Variants in ZC3HC1 observed in about 807,000 individuals in gnomAD.
ZC3HC1 encodes the protein zinc finger C3HC-type protein 1.
Under a neutral mutation model 61.9 loss-of-function variants are expected in ZC3HC1, and 38 were observed. That is an observed-to-expected ratio of 0.61 (90% CI 0.47 to 0.81). The LOEUF (loss-of-function observed/expected upper bound fraction) is 0.81, where lower values mean the gene tolerates loss of function less well. Ranked by LOEUF, ZC3HC1 falls within the 30% of genes least tolerant of loss-of-function variation. ZC3HC1 has a pLI of 0.00. For synonymous variants in ZC3HC1, 213 were observed against 229.9 expected (o/e 0.93, Z 0.67); for missense variants, 554 against 622.7 (o/e 0.89, Z 1.17).
At chr7:130,040,587 C>T (rs1312769328) in intron 3 of ZC3HC1, among the ~76,000 whole-genome samples, 1 of 150,382 alleles carries the variant, frequency 6.6e-6, no homozygotes, top group African/African-American at 2.4e-5. Flanking sequence ...GGGCGGATCA[C>T]TTGAGCTCAG....
At chr7:130,050,814 C>T (rs1404939111) in intron 1 of ZC3HC1, among the ~76,000 whole-genome samples, 1 of 152,086 alleles carries the variant, frequency 6.6e-6, no homozygotes, top group African/African-American at 2.4e-5. Flanking sequence ...AACTACATTC[C>T]AATCTAACTG....
Position 130,024,334 on chromosome 7 carries a change from G to C in ZC3HC1, c.949C>G (p.Leu317Val). 2 of 1,614,130 alleles carry C rather than the reference G, an allele frequency of 1.2e-6. No homozygotes were observed. The highest frequency in any genetic ancestry group is 1.7e-6 in the Non-Finnish European group (2 of 1,180,018). ...ATCCTCCGAGGAGATTCAGGCACCA[G>C]AGGTAAGCGCTCTGGTCGCCCCTCA... ...GLEGRPERLP[L>V]VPESPRRMMT... The change falls in exon 7 of 10, where the codon CTG becomes GTG. Residue 317 changes from leucine to valine, a missense_variant. Leu to Val is a conservative substitution (Grantham distance 32). Transcript: ENST00000358303.
rs1793756500 is a variant in ZC3HC1, at chr7:130,023,748, A to G, written c.1021-25T>C. ...CCTGAAGGAAAGGGGAGATAATGGA[A>G]GTACACGAATGATATTAATGATTAT... On this transcript the variant is annotated intron_variant, in intron 7 of 9. Transcript: ENST00000358303. This position sits in a 1 kb window ranked among gnomAD's most constrained non-coding sequence, Gnocchi z 4.2. The G allele has an allele frequency of 6.4e-6, 10 of 1,560,964 alleles. No individual in the cohort carries two copies. Among genetic ancestry groups the G allele is most frequent in the Non-Finnish European group, 7.0e-6 (8 of 1,136,296 alleles).
chr7:130,018,692 C>T lies in ZC3HC1; in HGVS notation c.1481G>A (p.Arg494Gln), dbSNP rs185837522. The T allele has an allele frequency of 2.4e-5, 39 of 1,612,084 alleles. No individual in the cohort carries two copies. Among genetic ancestry groups the T allele is most frequent in the African/African-American group, 6.7e-5 (5 of 74,860 alleles). Residue 494 changes from arginine to glutamine, a missense_variant, in exon 10 of 10, where the codon CGG becomes CAG. Coordinates refer to ENST00000358303, the MANE Select transcript of ZC3HC1 (RefSeq NM_016478.5). ...EKSRKVFRIFRQWESLCSC is the reference protein window; with the variant it reads ...EKSRKVFRIFQQWESLCSC ...GCATGAGCACAGAGATTCCCACTGC[C>T]GAAATATTCGGAATACTTTCCTTGA...
Position 130,026,223 on chromosome 7 carries a change from T to G in ZC3HC1, c.711A>C (p.Lys237Asn), listed in dbSNP as rs767983864. ...HRTDERKTTIKLGSDIQVHVT... is the reference protein window; with the variant it reads ...HRTDERKTTINLGSDIQVHVT... ...CGTGGACTTGGATGTCTGAGCCTAATTTGATTGTAGTTTTTCTCTCATCAG... is the reference window on the plus strand; with the variant it reads ...CGTGGACTTGGATGTCTGAGCCTAAGTTGATTGTAGTTTTTCTCTCATCAG... The change falls in exon 6 of 10, where the codon AAA becomes AAC. Residue 237 changes from lysine (K) to asparagine (N), a missense_variant. Transcript: ENST00000358303. The G allele has an allele frequency of 6.2e-7, 1 of 1,614,128 alleles. No homozygotes were observed. The highest frequency in any genetic ancestry group is 1.1e-5 in the South Asian group (1 of 91,082).
chr7:130,044,003 G>A (rs574028201), intron 2 of ZC3HC1: 231 of 360,442 alleles, frequency 6.4e-4, no homozygotes, highest in Non-Finnish European at 1.1e-3. Context: ...ATGTCAGCAG[G>A]AACTCATCGT....
At chr7:130,029,333 C>T (rs945625743) in intron 4 of ZC3HC1, among the ~76,000 whole-genome samples, 1 of 152,016 alleles carries the variant, frequency 6.6e-6, no homozygotes, top group Non-Finnish European at 1.5e-5. Flanking sequence ...TGAGATCGTG[C>T]CACTGTGCTC....
chr7:130,050,770 T>G (rs1795044768), intron 1 of ZC3HC1, among the ~76,000 whole-genome samples: 1 of 152,248 alleles, frequency 6.6e-6, no homozygotes, highest in Non-Finnish European at 1.5e-5. Flanking sequence ...AAAAGCATTG[T>G]TACTGCGTAA....
At chr7:130,050,286 C>G (rs2116790032) in intron 1 of ZC3HC1, among the ~76,000 whole-genome samples, 1 of 152,160 alleles carries the variant, frequency 6.6e-6, no homozygotes, top group East Asian at 1.9e-4. Context: ...ACCGTGTTAG[C>G]CAGGATGGTC....
At position 130,037,426 on chromosome 7, in the gene ZC3HC1, G is replaced by A. The variant is rs769163420; in HGVS notation, c.493+2038C>T. ...GCCATTGCAGCACTCCAGCCTGGGC[G>A]ACAGAGCAAGACTCCGTCTCAAGGA... On this transcript the variant is annotated intron_variant, in intron 4 of 9. Transcript: ENST00000358303. 5.3e-5 allele frequency among the ~76,000 whole-genome samples: 8 copies of A among 152,202 alleles called. No individual in the cohort carries two copies. The East Asian group carries it at 5.8e-4, about 11-fold the overall frequency.
chr7:130,021,384 G>A (rs191708669), intron 9 of ZC3HC1, among the ~76,000 whole-genome samples: 1 of 152,314 alleles, frequency 6.6e-6, no homozygotes, highest in Non-Finnish European at 1.5e-5. Context: ...GAAAATTTGG[G>A]AGTGAGCCAG....
chr7:130,032,388 G>A (rs1794237343), intron 4 of ZC3HC1, among the ~76,000 whole-genome samples: 1 of 151,736 alleles, frequency 6.6e-6, no homozygotes, highest in Non-Finnish European at 1.5e-5. Flanking sequence ...GCTCATGACT[G>A]TAATCCTAAC....
Position 130,029,891 on chromosome 7 carries a change from T to C in ZC3HC1, c.494-862A>G, listed in dbSNP as rs113748271. Among the ~76,000 whole-genome samples, 276 of 152,246 alleles carry C rather than the reference T, an allele frequency of 1.8e-3. 1 individual carries two copies. The highest frequency in any genetic ancestry group is 6.5e-3 in the African/African-American group (268 of 41,544). On this transcript the variant is annotated intron_variant, in intron 4 of 9. Transcript: ENST00000358303. Reference sequence around the variant, plus strand: ...ATGTTCCTAAAGTCTACACAAGAGATACAAAAAGGCTTGCATTGTAAGGTG... The same window carrying C: ...ATGTTCCTAAAGTCTACACAAGAGACACAAAAAGGCTTGCATTGTAAGGTG...
chr7:130,029,019 C>T lies in ZC3HC1; in HGVS notation c.504G>A (p.Gly168=). The T allele has an allele frequency of 6.2e-7, 1 of 1,612,888 alleles. No individual in the cohort carries two copies. Among genetic ancestry groups the T allele is most frequent in the Non-Finnish European group, 8.5e-7 (1 of 1,179,248 alleles). The change falls in exon 5 of 10, where the codon GGG becomes GGA. Residue 168 remains glycine, a synonymous_variant. Coordinates refer to ENST00000358303, the MANE Select transcript of ZC3HC1 (RefSeq NM_016478.5). The part of the protein sequence containing the change: ...WPDSPSPDRF[G]MLPLDEPAIL... ...TAGCAGGCTCATCCAGGGGCAACAT[C>T]CCAAATCGGTCTGTGGAAAAAGTAA...
At position 130,023,536 on chromosome 7, in the gene ZC3HC1, G is replaced by A; in HGVS notation, c.1208C>T (p.Ala403Val). The change falls in exon 8 of 10, where the codon GCT becomes GTT. Residue 403 changes from alanine to valine, a missense_variant. By Grantham distance (64) the Ala-to-Val change is moderately conservative. Transcript: ENST00000358303. The surrounding 1 kb of genome is among the most constrained non-coding windows in gnomAD (Gnocchi z 4.2). ...CGAACTGCTGGAGGAGCAGAGGCGAGCTCGCTTGGCTTTCCGCAGAGGGCT... is the reference window on the plus strand; with the variant it reads ...CGAACTGCTGGAGGAGCAGAGGCGAACTCGCTTGGCTTTCCGCAGAGGGCT... Reference protein sequence around the residue: ...PSSPLRKAKRARLCSSSSSDT... With the variant: ...PSSPLRKAKRVRLCSSSSSDT... The A allele has an allele frequency of 6.2e-7, 1 of 1,614,198 alleles. No individual in the cohort carries two copies. The highest frequency in any genetic ancestry group is 8.5e-7 in the Non-Finnish European group (1 of 1,180,040).
At position 130,051,374 on chromosome 7, in the gene ZC3HC1, C is replaced by G; in HGVS notation, c.-8G>C. On this transcript the variant is annotated 5_prime_UTR_variant, in exon 1 of 10. Transcript: ENST00000358303. ...CTCACAGGGCGCCGCCATCTTGGTCCGCTGCCGAGTTGCTTCCCCGAGAGT... is the reference window on the plus strand; with the variant it reads ...CTCACAGGGCGCCGCCATCTTGGTCGGCTGCCGAGTTGCTTCCCCGAGAGT... 6.2e-7 allele frequency: 1 copy of G among 1,612,336 alleles called. No homozygotes were observed. The highest frequency in any genetic ancestry group is 1.1e-5 in the South Asian group (1 of 90,754).
At chr7:130,047,168 G>T (rs1430644814) in intron 2 of ZC3HC1, among the ~76,000 whole-genome samples, 1 of 152,052 alleles carries the variant, frequency 6.6e-6, no homozygotes, top group Non-Finnish European at 1.5e-5. Context: ...TCACCATGTT[G>T]GCCAGGCTGG....
intron 6 of ZC3HC1, among the ~76,000 whole-genome samples, chr7:130,025,302 C>T (rs1793849165): frequency 6.6e-6 from 1 of 150,598 alleles, no homozygotes; most frequent in Non-Finnish European, 1.5e-5. Context: ...GATTTATTTA[C>T]TGTCAGAACC....
At chr7:130,049,862 T>C (rs1191610186) in intron 1 of ZC3HC1, among the ~76,000 whole-genome samples, 1 of 151,714 alleles carries the variant, frequency 6.6e-6, no homozygotes, top group Non-Finnish European at 1.5e-5. Flanking sequence ...AATTCGACTC[T>C]TAACAGCAGA....
Sources: allele counts gnomAD v4.1 joint callset (sites outside exome capture counted in the v4.1 genomes callset), GRCh38; gene constraint gnomAD v4.1.1; non-coding constraint Gnocchi (gnomAD v3.1); transcripts MANE v1.5; gene names NCBI Gene and HGNC (gene_info 2026-07-23, HGNC 2026-07-21).